Variants in ARHGAP39 observed in about 807,000 individuals in gnomAD.
ARHGAP39 encodes the protein rho GTPase-activating protein 39.
Under a neutral mutation model 106.9 loss-of-function variants are expected in ARHGAP39, and 44 were observed. The ratio of observed to expected loss-of-function variants is 0.41; its 90% CI spans 0.32 to 0.53. ARHGAP39 has a LOEUF of 0.53. Ranked by LOEUF, ARHGAP39 falls within the 20% of genes least tolerant of loss-of-function variation. The probability of loss-of-function intolerance (pLI) is 0.21; values close to 1 mark genes in which losing one functional copy is unlikely to be tolerated. For synonymous variants in ARHGAP39, 768 were observed against 693.2 expected (o/e 1.11, Z -1.69); for missense variants, 1,496 against 1,577.3 (o/e 0.95, Z 0.87).
At position 144,617,922 on chromosome 8, in the gene ARHGAP39, C is replaced by T. The variant is rs181287427; in HGVS notation, c.-81-12227G>A. On this transcript the variant is annotated intron_variant, in intron 1 of 11. Coordinates refer to ENST00000377307, the MANE Select transcript of ARHGAP39 (RefSeq NM_025251.3). ...TCAGTCTCCTGAGAAGCCGGGACCA[C>T]AGGTGCGAGCCACCACGCCCAGCTA... Among the ~76,000 whole-genome samples the T allele has an allele frequency of 1.3e-3, 201 of 152,224 alleles. 1 individual carries two copies. In the Middle Eastern group the frequency reaches 0.017, roughly 13 times the overall value.
intron 1 of ARHGAP39, among the ~76,000 whole-genome samples, chr8:144,648,497 G>A (rs762936222): frequency 2.6e-5 from 4 of 152,188 alleles, no homozygotes; most frequent in Non-Finnish European, 5.9e-5. Flanking sequence ...AAAGAAAACA[G>A]CCTAGGAGGA....
intron 3 of ARHGAP39, among the ~76,000 whole-genome samples, chr8:144,578,876 C>T (rs533218528): frequency 3.3e-5 from 5 of 150,982 alleles, no homozygotes; most frequent in African/African-American, 4.9e-5. Context: ...AAAACAAAAA[C>T]AACAAAAACC....
intron 1 of ARHGAP39, among the ~76,000 whole-genome samples, chr8:144,617,528 C>G (rs1050862042): frequency 6.7e-6 from 1 of 149,766 alleles, no homozygotes; most frequent in Non-Finnish European, 1.5e-5. Context: ...ATCCTGGGAA[C>G]ACAGCCTTCA....
rs1398496372 is a variant in ARHGAP39, at chr8:144,530,820, T to C, written c.3032A>G (p.His1011Arg). The C allele has an allele frequency of 6.2e-7, 1 of 1,611,742 alleles. No individual in the cohort carries two copies. Among genetic ancestry groups the C allele is most frequent in the East Asian group, 2.2e-5 (1 of 44,858 alleles). Residue 1011 changes from histidine to arginine, a missense_variant, in exon 11 of 12, where the codon CAC (histidine) becomes CGC (arginine). This residue lies in a region of ARHGAP39 where 470 missense variants were observed against 605.1 expected (regional missense o/e 0.78). Transcript: ENST00000377307. Reference sequence around the variant, plus strand: ...CGCGATGCACTGCTCGTAGAACTCGTGCGGGATCAGGGGCTCCTCCAGCTC... The same window carrying C: ...CGCGATGCACTGCTCGTAGAACTCGCGCGGGATCAGGGGCTCCTCCAGCTC... ...YRELEEPLIP[H>R]EFYEQCIAHY... is the part of the protein sequence containing the mutation.
At chr8:144,561,898 T>C (rs991657880) in intron 3 of ARHGAP39, among the ~76,000 whole-genome samples, 8 of 146,686 alleles carry the variant, frequency 5.5e-5, no homozygotes, top group Non-Finnish European at 1.0e-4. Flanking sequence ...GTGGTTTCCA[T>C]CGCACTCCAG....
At chr8:144,601,177 C>CAT (rs1819906111) in intron 2 of ARHGAP39, among the ~76,000 whole-genome samples, 2 of 114,136 alleles carry the variant, frequency 1.8e-5, no homozygotes, top group African/African-American at 3.4e-5. Context: ...TGGAGGCGTG[C>CAT]GTGCAAGCTC....
intron 1 of ARHGAP39, among the ~76,000 whole-genome samples, chr8:144,677,829 C>T (rs1822282831): frequency 6.6e-6 from 1 of 152,188 alleles, no homozygotes; most frequent in Non-Finnish European, 1.5e-5. Context: ...TCCCTTTGTA[C>T]TTTTGAACCA....
intron 1 of ARHGAP39, among the ~76,000 whole-genome samples, chr8:144,624,319 AAAT>A (rs764386195): frequency 1.3e-5 from 2 of 150,768 alleles, no homozygotes; most frequent in Non-Finnish European, 2.9e-5. Context: ...TAAATATATA[AAAT>A]AATCATCGTC....
intron 3 of ARHGAP39, among the ~76,000 whole-genome samples, chr8:144,563,198 C>T (rs1284163694): frequency 1.3e-5 from 2 of 152,040 alleles, no homozygotes; most frequent in East Asian, 1.9e-4. Context: ...AAAATATAAG[C>T]CTATGTTTAT....
In ARHGAP39 at chr8:144,530,521, G is replaced by C. The variant is rs368090020; in HGVS notation, c.3246C>G (p.Asp1082Glu). The C allele has an allele frequency of 6.2e-7, 1 of 1,612,066 alleles. No individual in the cohort carries two copies. Among genetic ancestry groups the C allele is most frequent in the Non-Finnish European group, 8.5e-7 (1 of 1,179,732 alleles). ...TGTTCTCGAAGATGACGCGCGGGTCGTCGGACTGGCAGCGCAAGCAGTTGG... is the reference window on the plus strand; with the variant it reads ...TGTTCTCGAAGATGACGCGCGGGTCCTCGGACTGGCAGCGCAAGCAGTTGG... ...MAPNCLRCQS[D>E]DPRVIFENTR... Residue 1082 changes from aspartate (D) to glutamate (E), a missense_variant, in exon 12 of 12, where the codon GAC becomes GAG. This residue lies in a region of ARHGAP39 where 470 missense variants were observed against 605.1 expected (regional missense o/e 0.78). Transcript: ENST00000377307.
chr8:144,621,679 G>A (rs773087950), intron 1 of ARHGAP39, among the ~76,000 whole-genome samples: 3 of 152,180 alleles, frequency 2.0e-5, no homozygotes, highest in Admixed American at 6.5e-5. Flanking sequence ...TTAGCAGGGC[G>A]TGGTGGTGCA....
In ARHGAP39 at chr8:144,646,213, G is replaced by A. The variant is rs1164444095; in HGVS notation, c.-82+39473C>T. 6.6e-6 allele frequency among the ~76,000 whole-genome samples: 1 copy of A among 152,194 alleles called. No individual in the cohort carries two copies. Among genetic ancestry groups the A allele is most frequent in the East Asian group, 1.9e-4 (1 of 5,184 alleles). ...TGGATGTTCTCTCTGTGCAGACAGGGCAACAACCGCAAACGTGTTCAACAG... is the reference window on the plus strand; with the variant it reads ...TGGATGTTCTCTCTGTGCAGACAGGACAACAACCGCAAACGTGTTCAACAG... On this transcript the variant is annotated intron_variant, in intron 1 of 11. Transcript: ENST00000377307. This position sits in a 1 kb window ranked among gnomAD's most constrained non-coding sequence, Gnocchi z 5.7.
At chr8:144,543,319 C>T (rs1817273636) in intron 6 of ARHGAP39, among the ~76,000 whole-genome samples, 1 of 152,142 alleles carries the variant, frequency 6.6e-6, no homozygotes, top group African/African-American at 2.4e-5. Context: ...GTGAAAGGGA[C>T]ACCTCCTAGG....
chr8:144,530,334 G>C lies in ARHGAP39; in HGVS notation c.*88C>G. 1 of 1,415,054 alleles carries C rather than the reference G, an allele frequency of 7.1e-7. No homozygotes were observed. 87.7% of individuals were successfully genotyped at this position (1,415,054 alleles called of 1,614,324 possible). ...AGGGGGCTCCAGGGCTGGGCCGGGC[G>C]ATTCTGGCCCCTCTGCCGGGAGAGC... On this transcript the variant is annotated 3_prime_UTR_variant, in exon 12 of 12. Transcript: ENST00000377307.
intron 3 of ARHGAP39, among the ~76,000 whole-genome samples, chr8:144,579,739 G>A (rs1378618417): frequency 6.6e-6 from 1 of 152,074 alleles, no homozygotes; most frequent in Non-Finnish European, 1.5e-5. Flanking sequence ...AGATGAGCCC[G>A]GCAGTCCAAC....
chr8:144,664,564 T>C (rs1324028403), intron 1 of ARHGAP39, among the ~76,000 whole-genome samples: 3 of 152,102 alleles, frequency 2.0e-5, no homozygotes, highest in African/African-American at 7.2e-5. Context: ...CCCACCCAAA[T>C]CTCAACTTGT....
chr8:144,574,925 A>C (rs1818718044), intron 3 of ARHGAP39, among the ~76,000 whole-genome samples: 1 of 152,216 alleles, frequency 6.6e-6, no homozygotes, highest in South Asian at 2.1e-4. Context: ...CTGTGTGAAC[A>C]TCCAAGAGTA....
At chr8:144,660,227 T>C (rs183245432) in intron 1 of ARHGAP39, among the ~76,000 whole-genome samples, 260 of 152,290 alleles carry the variant, frequency 1.7e-3, no homozygotes, top group African/African-American at 5.9e-3. Flanking sequence ...CTGCAGCACC[T>C]ATTCCCACAA....
chr8:144,616,195 G>A (rs1258603906), intron 1 of ARHGAP39, among the ~76,000 whole-genome samples: 1 of 152,270 alleles, frequency 6.6e-6, no homozygotes, highest in East Asian at 1.9e-4. Flanking sequence ...TCCTGAGAGA[G>A]GCAGTCTGGA....
Sources: gnomAD v4.1 joint callset for allele counts (sites outside exome capture counted in the v4.1 genomes callset) on GRCh38, gnomAD v4.1.1 for gene constraint, gnomAD v4.1.1 regional missense constraint, Gnocchi (gnomAD v3.1) non-coding constraint, MANE v1.5 for transcripts, NCBI Gene and HGNC (gene_info 2026-07-23, HGNC 2026-07-21) for gene names.